The following RFTN1 variants were observed in gnomAD, a reference collection of about 807,000 sequenced individuals.
The protein encoded by RFTN1 is raftlin, lipid raft linker 1.
Under a neutral mutation model 46.5 loss-of-function variants are expected in RFTN1, and 26 were observed. That is an observed-to-expected ratio of 0.56 (90% CI 0.41 to 0.78). The LOEUF is 0.78. Ranked by LOEUF, RFTN1 falls within the 30% of genes least tolerant of loss-of-function variation. The pLI, the probability that RFTN1 is intolerant of heterozygous loss-of-function variation, is 0.00. For missense variants in RFTN1, 693 were observed against 718.7 expected (o/e 0.96, Z 0.41); for synonymous variants, 261 against 284.2 (o/e 0.92, Z 0.82).
rs1196023383 is a variant in RFTN1 at position 16,442,334 on chromosome 3, C to G, written c.146-8297G>C. Among the ~76,000 whole-genome samples the G allele has an allele frequency of 1.3e-5, 2 of 152,000 alleles. No homozygotes were observed. The highest frequency in any genetic ancestry group is 2.9e-5 in the Non-Finnish European group (2 of 67,994). On this transcript the variant is annotated intron_variant, in intron 2 of 9. Coordinates refer to ENST00000334133, the MANE Select transcript of RFTN1 (RefSeq NM_015150.2). This position sits in a 1 kb window ranked among gnomAD's most constrained non-coding sequence, Gnocchi z 4.1. ...ATAGGTTATGAAACATTTTCATCACCCCCAAAGGAAACTCCATGTCCATTA... is the reference window on the plus strand; with the variant it reads ...ATAGGTTATGAAACATTTTCATCACGCCCAAAGGAAACTCCATGTCCATTA...
At chr3:16,318,312 C>G (rs560099873) in intron 9 of RFTN1, among the ~76,000 whole-genome samples, 1 of 152,184 alleles carries the variant, frequency 6.6e-6, no homozygotes, top group Admixed American at 6.5e-5. Context: ...TTGGTTTCAC[C>G]AAATACGCAC....
Position 16,424,251 on chromosome 3 carries a change from C to T in RFTN1, c.332+9600G>A, listed in dbSNP as rs1026072848. Reference sequence around the variant, plus strand: ...AGATGGAACTTGAGTTCTATATTCACCACACACTCCCATTACCCACTCCAA... The same window carrying T: ...AGATGGAACTTGAGTTCTATATTCATCACACACTCCCATTACCCACTCCAA... On this transcript the variant is annotated intron_variant, in intron 3 of 9. Coordinates refer to ENST00000334133, the MANE Select transcript of RFTN1 (RefSeq NM_015150.2). This position sits in a 1 kb window ranked among gnomAD's most constrained non-coding sequence, Gnocchi z 4.7. Among the ~76,000 whole-genome samples the T allele has an allele frequency of 6.6e-6, 1 of 152,172 alleles. No individual in the cohort carries two copies. Among genetic ancestry groups the T allele is most frequent in the African/African-American group, 2.4e-5 (1 of 41,414 alleles).
rs1298567050 is a variant in RFTN1, at chr3:16,380,826, C to CAT, written c.442-2726_442-2725dup. ...TCCCCAGTAATAGAATGATGTCTGA[C>CAT]ATATAGCAGGTCCTCAATAAATATC... On this transcript the variant is annotated intron_variant, in intron 4 of 9. Transcript: ENST00000334133. This position sits in a 1 kb window ranked among gnomAD's most constrained non-coding sequence, Gnocchi z 4.8. 6.6e-6 allele frequency among the ~76,000 whole-genome samples: 1 copy of CAT among 152,196 alleles called. No individual in the cohort carries two copies. The highest frequency in any genetic ancestry group is 2.4e-5 in the African/African-American group (1 of 41,444).
rs2075322140 is a variant in RFTN1, at chr3:16,428,300, T to C, written c.332+5551A>G. 6.6e-6 allele frequency among the ~76,000 whole-genome samples: 1 copy of C among 152,182 alleles called. No individual in the cohort carries two copies. The highest frequency in any genetic ancestry group is 1.5e-5 in the Non-Finnish European group (1 of 68,034). ...AAAATTTCACCATCCTAGGTGTGAT[T>C]CCAATGAGTACTCACTATAAACCCA... On this transcript the variant is annotated intron_variant, in intron 3 of 9. Transcript: ENST00000334133. This position sits in a 1 kb window ranked among gnomAD's most constrained non-coding sequence, Gnocchi z 4.7.
chr3:16,329,457 T>G lies in RFTN1; in HGVS notation c.1147-2581A>C, dbSNP rs1344898559. 6.6e-6 allele frequency among the ~76,000 whole-genome samples: 1 copy of G among 152,156 alleles called. No homozygotes were observed. Among genetic ancestry groups the G allele is most frequent in the Non-Finnish European group, 1.5e-5 (1 of 68,020 alleles). ...GTTTACAGGTGGGGCCAGGAGAGAA[T>G]GCCATTCTGGTCCCTTCCCTGAAGC... On this transcript the variant is annotated intron_variant, in intron 7 of 9. Transcript: ENST00000334133. This position sits in a 1 kb window ranked among gnomAD's most constrained non-coding sequence, Gnocchi z 4.5.
Position 16,362,088 on chromosome 3 carries a change from T to C in RFTN1, c.1031-4041A>G, listed in dbSNP as rs536468146. Among the ~76,000 whole-genome samples the C allele has an allele frequency of 2.6e-5, 4 of 152,354 alleles. No individual in the cohort carries two copies. In the South Asian group the frequency reaches 6.2e-4, roughly 24 times the overall value. ...ACAAGACCACTGTACTTTGCTTAGC[T>C]TGGGTCCTCATTCCAGAATAATAGG... On this transcript the variant is annotated intron_variant, in intron 6 of 9. Coordinates refer to ENST00000334133, the MANE Select transcript of RFTN1 (RefSeq NM_015150.2).
At chr3:16,416,436 G>A (rs1402037907) in intron 3 of RFTN1, among the ~76,000 whole-genome samples, 3 of 152,164 alleles carry the variant, frequency 2.0e-5, no homozygotes, top group Non-Finnish European at 4.4e-5. Context: ...GACATTAATA[G>A]AAAAATGGTA....
chr3:16,334,151 C>G lies in RFTN1; in HGVS notation c.1147-7275G>C, dbSNP rs2070621895. Among the ~76,000 whole-genome samples the G allele has an allele frequency of 1.3e-5, 2 of 152,212 alleles. No homozygotes were observed. The highest frequency in any genetic ancestry group is 4.1e-4 in the South Asian group (2 of 4,826). On this transcript the variant is annotated intron_variant, in intron 7 of 9. Coordinates refer to ENST00000334133, the MANE Select transcript of RFTN1 (RefSeq NM_015150.2). The surrounding 1 kb of genome is among the most constrained non-coding windows in gnomAD (Gnocchi z 4.3). Reference sequence around the variant, plus strand: ...CTGCACTCCAGCCTGGGCGACAGAGCAAGACTCTGTCTCAAAACAAAAACA... The same window carrying G: ...CTGCACTCCAGCCTGGGCGACAGAGGAAGACTCTGTCTCAAAACAAAAACA...
chr3:16,401,240 C>T (rs62236334), intron 4 of RFTN1, among the ~76,000 whole-genome samples: 11,633 of 151,190 alleles, frequency 0.077, 552 homozygotes, highest in Middle Eastern at 0.15. Context: ...GGAGGACCAT[C>T]TGAGCCTGGG....
chr3:16,358,214 C>A (rs2072586935), intron 6 of RFTN1, among the ~76,000 whole-genome samples, 167 bp from the exon 7 acceptor site: 1 of 152,118 alleles, frequency 6.6e-6, no homozygotes, highest in South Asian at 2.1e-4. Flanking sequence ...GTCTATCTAG[C>A]CCTATCAGAA....
At position 16,407,886 on chromosome 3, in the gene RFTN1, AT is replaced by A. The variant is rs2074896736; in HGVS notation, c.441+1488del. On this transcript the variant is annotated intron_variant, in intron 4 of 9. Transcript: ENST00000334133. The surrounding 1 kb of genome is among the most constrained non-coding windows in gnomAD (Gnocchi z 4.0). ...ATTACCAGAAATTCTGACCTCAGAGATCATCTGGCTCCTGGTCTATGGGCCA... is the reference window on the plus strand; with the variant it reads ...ATTACCAGAAATTCTGACCTCAGAGACATCTGGCTCCTGGTCTATGGGCCA... Among the ~76,000 whole-genome samples, 1 of 152,074 alleles carries A rather than the reference AT, an allele frequency of 6.6e-6. No homozygotes were observed. Among genetic ancestry groups the A allele is most frequent in the African/African-American group, 2.4e-5 (1 of 41,402 alleles).
intron 8 of RFTN1, among the ~76,000 whole-genome samples, chr3:16,324,613 A>AACC (rs1553718056): frequency 1.1e-5 from 1 of 90,800 alleles, no homozygotes; most frequent in Non-Finnish European, 2.2e-5. Flanking sequence ...AATGTCCCTG[A>AACC]CCCCCCCCCT....
chr3:16,369,017 A>G (rs2073374066), intron 6 of RFTN1, among the ~76,000 whole-genome samples: 1 of 152,202 alleles, frequency 6.6e-6, no homozygotes. Context: ...ACACTATACA[A>G]TGCCTGCTGC....
In RFTN1 at chr3:16,507,599, A is replaced by C. The variant is rs1371279402; in HGVS notation, c.-9+5843T>G. Among the ~76,000 whole-genome samples, 2 of 142,634 alleles carry C rather than the reference A, an allele frequency of 1.4e-5. No individual in the cohort carries two copies. Among genetic ancestry groups the C allele is most frequent in the Non-Finnish European group, 3.1e-5 (2 of 64,424 alleles). 93.6% of individuals were successfully genotyped at this position (142,634 alleles called of 152,430 possible). Reference sequence around the variant, plus strand: ...TAAAAGGCAAAGTAGGGAGTTTCAAAACACACACACACACACACACACATA... The same window carrying C: ...TAAAAGGCAAAGTAGGGAGTTTCAACACACACACACACACACACACACATA... On this transcript the variant is annotated intron_variant, in intron 1 of 9. Coordinates refer to ENST00000334133, the MANE Select transcript of RFTN1 (RefSeq NM_015150.2). The surrounding 1 kb of genome is among the most constrained non-coding windows in gnomAD (Gnocchi z 7.1).
At chr3:16,363,129 T>C (rs1575130718) in intron 6 of RFTN1, among the ~76,000 whole-genome samples, 2 of 152,230 alleles carry the variant, frequency 1.3e-5, no homozygotes, top group Admixed American at 6.5e-5. Context: ...TATCAAAATC[T>C]GGTTATCTGT....
chr3:16,486,041 C>T (rs1004166354), intron 2 of RFTN1, among the ~76,000 whole-genome samples: 2 of 152,194 alleles, frequency 1.3e-5, no homozygotes, highest in African/African-American at 4.8e-5. Flanking sequence ...GCAGACTCAG[C>T]ATCTGGCTGT....
In RFTN1 at chr3:16,434,389, C is replaced by A. The variant is rs544156250; in HGVS notation, c.146-352G>T. ...ACAAACAAACAAACAAACAAACAAA[C>A]AAACAAAAACAAAAAAACCCCCTCA... On this transcript the variant is annotated intron_variant, in intron 2 of 9. Coordinates refer to ENST00000334133, the MANE Select transcript of RFTN1 (RefSeq NM_015150.2). Among the ~76,000 whole-genome samples, 99 of 100,840 alleles carry A rather than the reference C, an allele frequency of 9.8e-4. 1 individual carries two copies. Among genetic ancestry groups the A allele is most frequent in the Admixed American group, 3.5e-3 (34 of 9,618 alleles). 66.2% of individuals were successfully genotyped at this position (100,840 alleles called of 152,430 possible). A position where few individuals can be genotyped will look rare whatever the true frequency, so the allele number is the denominator to read the frequency against.
chr3:16,415,033 G>C (rs572276888), intron 3 of RFTN1, among the ~76,000 whole-genome samples: 40 of 152,276 alleles, frequency 2.6e-4, no homozygotes, highest in African/African-American at 9.4e-4. Flanking sequence ...ATTTTAAAAG[G>C]ATCCCTCTGG....
intron 8 of RFTN1, among the ~76,000 whole-genome samples, chr3:16,325,889 G>T (rs1401247368): frequency 6.6e-6 from 1 of 152,182 alleles, no homozygotes; most frequent in African/African-American, 2.4e-5. Flanking sequence ...AGTAGGGCTT[G>T]GGGAAGGTGG....
Sources: gnomAD v4.1 joint callset for allele counts (sites outside exome capture counted in the v4.1 genomes callset) on GRCh38, gnomAD v4.1.1 for gene constraint, Gnocchi (gnomAD v3.1) non-coding constraint, MANE v1.5 for transcripts, NCBI Gene and HGNC (gene_info 2026-07-23, HGNC 2026-07-21) for gene names.